CCDC172: variants seen among roughly 807,000 people sequenced by gnomAD.
The protein encoded by CCDC172 is coiled-coil domain containing 172, also known as coiled-coil domain-containing protein 172.
A neutral mutation model predicts 38.0 loss-of-function variants in CCDC172; 30 were observed. The observed-to-expected ratio is 0.79, with a 90% confidence interval of 0.59 to 1.07. CCDC172 has a LOEUF of 1.07. CCDC172 is among the 50% of genes least tolerant of loss of function. CCDC172 has a pLI of 0.00. For synonymous variants in CCDC172, 78 were observed against 88.3 expected (o/e 0.88, Z 0.66); for missense variants, 297 against 290.1 (o/e 1.02, Z -0.17).
chr10:116,376,151 G>C (rs572905684), intron 7 of CCDC172, among the ~76,000 whole-genome samples: 1 of 152,190 alleles, frequency 6.6e-6, no homozygotes, highest in Non-Finnish European at 1.5e-5. Context: ...TGGGCATTTG[G>C]ATAAAGAAAA....
intron 7 of CCDC172, among the ~76,000 whole-genome samples, chr10:116,373,065 T>G (rs1270492127): frequency 6.6e-6 from 1 of 152,012 alleles, no homozygotes; most frequent in East Asian, 1.9e-4. Flanking sequence ...AGATAGAAAT[T>G]TGGAGCTATG....
At chr10:116,326,157 A>C (rs1844590383) in intron 3 of CCDC172, among the ~76,000 whole-genome samples, 1 of 152,172 alleles carries the variant, frequency 6.6e-6, no homozygotes. Context: ...TTGTAGTTCC[A>C]GTTACTCAGG....
intron 3 of CCDC172, among the ~76,000 whole-genome samples, chr10:116,338,293 C>G (rs1001359853): frequency 1.3e-5 from 2 of 152,002 alleles, no homozygotes; most frequent in African/African-American, 2.4e-5. Flanking sequence ...AACCATAGAT[C>G]CTATGTAAAT....
intron 3 of CCDC172, among the ~76,000 whole-genome samples, chr10:116,336,688 T>G (rs1844738095): frequency 6.6e-6 from 1 of 152,190 alleles, no homozygotes; most frequent in African/African-American, 2.4e-5. Context: ...CTTAGTTTTT[T>G]TTTTAAATGT....
chr10:116,365,933 G>C (rs1353117608), intron 7 of CCDC172, among the ~76,000 whole-genome samples: 4 of 152,070 alleles, frequency 2.6e-5, no homozygotes, highest in Non-Finnish European at 2.9e-5. Context: ...TAGGTGTCTG[G>C]TGTGCTATCC....
intron 5 of CCDC172, among the ~76,000 whole-genome samples, chr10:116,344,327 C>T (rs916933191): frequency 2.0e-5 from 3 of 152,176 alleles, no homozygotes; most frequent in Non-Finnish European, 4.4e-5. Flanking sequence ...CACACCTGGG[C>T]TATATGGTAT....
At chr10:116,375,913 T>C (rs998674921) in intron 7 of CCDC172, among the ~76,000 whole-genome samples, 1 of 152,212 alleles carries the variant, frequency 6.6e-6, no homozygotes, top group African/African-American at 2.4e-5. Context: ...GGAACACTTG[T>C]ACACTGTTAG....
chr10:116,351,958 G>C (rs1052832678), intron 5 of CCDC172, among the ~76,000 whole-genome samples: 1 of 152,122 alleles, frequency 6.6e-6, no homozygotes, highest in South Asian at 2.1e-4. Flanking sequence ...TGGAAATCTG[G>C]ATGGAGATCC....
chr10:116,335,934 AG>A (rs1217405287), intron 3 of CCDC172, among the ~76,000 whole-genome samples: 4 of 152,026 alleles, frequency 2.6e-5, no homozygotes, highest in African/African-American at 4.8e-5. Context: ...TGAGAGGCCA[AG>A]GGGGGTGGAT....
In CCDC172 at chr10:116,379,930, T is replaced by C. The variant is rs1174690192; in HGVS notation, c.*572T>C. 1 of 152,376 alleles carries C rather than the reference T, an allele frequency of 6.6e-6. No individual in the cohort carries two copies. The highest frequency in any genetic ancestry group is 1.5e-5 in the Non-Finnish European group (1 of 68,222). The allele number at this position is 152,376 out of a possible 1,614,324, so 9.4% of individuals were successfully genotyped here. ...ACTCCCCCTTTGCCTTCAGTCATGA[T>C]TGGAAACTTCCTGAGGCCTCCCTAG... On this transcript the variant is annotated 3_prime_UTR_variant, in exon 9 of 9. Transcript: ENST00000333254.
At chr10:116,372,837 A>G (rs1845202292) in intron 7 of CCDC172, among the ~76,000 whole-genome samples, 1 of 152,174 alleles carries the variant, frequency 6.6e-6, no homozygotes, top group South Asian at 2.1e-4. Flanking sequence ...ACTATAGAAG[A>G]CTTCTCATCA....
intron 3 of CCDC172, among the ~76,000 whole-genome samples, chr10:116,337,980 C>T (rs909656910): frequency 2.6e-5 from 4 of 152,142 alleles, no homozygotes; most frequent in South Asian, 2.1e-4. Flanking sequence ...AAACATTCTA[C>T]GAATAGGAGA....
At chr10:116,357,721 G>T in intron 6 of CCDC172, 115 bp from the exon 7 acceptor site, 1 of 686,890 alleles carries the variant, frequency 1.5e-6, no homozygotes, top group Non-Finnish European at 2.4e-6. Flanking sequence ...AAAATCATTA[G>T]TGTATAAATT....
At chr10:116,376,380 T>G (rs1845244220) in intron 7 of CCDC172, among the ~76,000 whole-genome samples, 1 of 152,282 alleles carries the variant, frequency 6.6e-6, no homozygotes, top group East Asian at 1.9e-4. Context: ...ATATCTCCCC[T>G]CAGGGCAGCT....
chr10:116,347,752 T>C (rs1229883591), intron 5 of CCDC172, among the ~76,000 whole-genome samples: 1 of 152,094 alleles, frequency 6.6e-6, no homozygotes, highest in Non-Finnish European at 1.5e-5. Context: ...ACAGTAAATA[T>C]TGGAAAACAA....
intron 5 of CCDC172, among the ~76,000 whole-genome samples, chr10:116,345,079 G>T (rs749475186): frequency 3.3e-5 from 5 of 151,962 alleles, no homozygotes; most frequent in Non-Finnish European, 5.9e-5. Flanking sequence ...AAAATTTAAG[G>T]ATTTATATTC....
At chr10:116,359,214 T>C (rs1263176865) in intron 7 of CCDC172, among the ~76,000 whole-genome samples, 1 of 152,200 alleles carries the variant, frequency 6.6e-6, no homozygotes, top group Non-Finnish European at 1.5e-5. Flanking sequence ...GAAAGAGGAC[T>C]ATCAGTCTTA....
intron 7 of CCDC172, among the ~76,000 whole-genome samples, chr10:116,365,213 CT>C (rs997429137): frequency 6.6e-6 from 1 of 152,178 alleles, no homozygotes; most frequent in African/African-American, 2.4e-5. Context: ...GCAATCTTTT[CT>C]TTAAGTGCAG....
At chr10:116,341,595 A>G (rs1301345187) in intron 4 of CCDC172, among the ~76,000 whole-genome samples, 1 of 152,044 alleles carries the variant, frequency 6.6e-6, no homozygotes, top group East Asian at 1.9e-4. Context: ...TCCACATTTT[A>G]AAAGGTTTTC....
Sources: gnomAD v4.1 joint callset for allele counts (sites outside exome capture counted in the v4.1 genomes callset) on GRCh38, gnomAD v4.1.1 for gene constraint, MANE v1.5 for transcripts, NCBI Gene and HGNC (gene_info 2026-07-23, HGNC 2026-07-21) for gene names.